TRDN: variants seen among roughly 807,000 people sequenced by gnomAD.
TRDN encodes triadin, also known as triadin in skeletal muscle.
TRDN carries 161 observed loss-of-function variants against 149.7 expected under a neutral mutation model. The observed-to-expected ratio is 1.08, with a 90% CI of 0.95 to 1.23. TRDN has a LOEUF of 1.23. Ranked by LOEUF, TRDN falls within the 50% of genes most tolerant of loss-of-function variation. TRDN has a pLI of 0.00. For missense variants in TRDN, 896 were observed against 823.5 expected (o/e 1.09, Z -1.08); for synonymous variants, 294 against 250.5 (o/e 1.17, Z -1.64).
intron 10 of TRDN, chr6:123,442,218 T>G (rs1048712707): frequency 6.6e-6 from 1 of 152,242 alleles, no homozygotes; most frequent in African/African-American, 2.4e-5. Context: ...TTGGGCAATG[T>G]GCTATGGCAC....
chr6:123,444,547 C>A (rs376993396), intron 10 of TRDN, among the ~76,000 whole-genome samples: 21,528 of 149,198 alleles, frequency 0.14, 2,153 homozygotes, highest in African/African-American at 0.29. Context: ...GCCAGAACTT[C>A]CAACACTATG....
At chr6:123,424,569 G>T (rs899698279) in intron 12 of TRDN, among the ~76,000 whole-genome samples, 1 of 152,006 alleles carries the variant, frequency 6.6e-6, no homozygotes, top group East Asian at 1.9e-4. Context: ...CTAAAATTCA[G>T]TTGCAATAGG....
intron 1 of TRDN, among the ~76,000 whole-genome samples, chr6:123,629,544 A>G (rs766471114): frequency 6.6e-6 from 1 of 152,130 alleles, no homozygotes; most frequent in Non-Finnish European, 1.5e-5. Context: ...TTGTTCTTAT[A>G]GGTCAAAATA....
chr6:123,491,808 T>C (rs899243854), intron 9 of TRDN, among the ~76,000 whole-genome samples: 1 of 152,180 alleles, frequency 6.6e-6, no homozygotes, highest in African/African-American at 2.4e-5. Flanking sequence ...AGAGTGAATA[T>C]GTTTTTATGG....
In TRDN at chr6:123,557,984, C is replaced by G. The variant is rs541453192; in HGVS notation, c.233-9372G>C. Among the ~76,000 whole-genome samples the G allele has an allele frequency of 8.5e-5, 13 of 152,222 alleles. No homozygotes were observed. In the East Asian group the frequency reaches 1.9e-3, roughly 23 times the overall value. ...TGCCTTATTTTCTTCTGTACTGCCA[C>G]TTGACCCCAATACAAACTGGACAGT... On this transcript the variant is annotated intron_variant, in intron 2 of 40. Transcript: ENST00000334268.
At chr6:123,475,735 G>A (rs1369948017) in intron 9 of TRDN, among the ~76,000 whole-genome samples, 48 of 131,656 alleles carry the variant, frequency 3.6e-4, no homozygotes, top group Admixed American at 3.1e-3. Flanking sequence ...TCATCCCTGG[G>A]ATGCAAGGCT....
At chr6:123,351,840 G>A (rs1444445592) in intron 21 of TRDN, 12 of 979,176 alleles carry the variant, frequency 1.2e-5, no homozygotes, top group East Asian at 2.3e-4. Flanking sequence ...ATGAGGGAAC[G>A]ACAATTAAAA....
intron 38 of TRDN, among the ~76,000 whole-genome samples, chr6:123,229,800 C>G (rs1015652764): frequency 6.6e-6 from 1 of 151,880 alleles, no homozygotes; most frequent in Non-Finnish European, 1.5e-5. Context: ...AAAGTCCAGC[C>G]TCAGCACCAA....
At chr6:123,479,490 T>C (rs1777647063) in intron 9 of TRDN, among the ~76,000 whole-genome samples, 1 of 152,208 alleles carries the variant, frequency 6.6e-6, no homozygotes, top group Non-Finnish European at 1.5e-5. Flanking sequence ...GTGTTATCTT[T>C]CAGCCTAATG....
chr6:123,587,768 G>A (rs1349756531), intron 1 of TRDN, among the ~76,000 whole-genome samples: 2 of 150,422 alleles, frequency 1.3e-5, no homozygotes, highest in East Asian at 4.0e-4. Flanking sequence ...GCAAAAGGGG[G>A]GGTTGTTCTC....
At chr6:123,352,326 G>C in intron 21 of TRDN, 2 of 984,788 alleles carry the variant, frequency 2.0e-6, no homozygotes, top group Non-Finnish European at 2.4e-6. Flanking sequence ...TTCCCTGTTC[G>C]GAACTGATAT....
At chr6:123,292,662 T>C (rs975906092) in intron 24 of TRDN, among the ~76,000 whole-genome samples, 1 of 152,174 alleles carries the variant, frequency 6.6e-6, no homozygotes, top group Admixed American at 6.6e-5. Flanking sequence ...TCAGGTGTCA[T>C]TGAGTACCCC....
chr6:123,264,813 A>T (rs1776884666), intron 33 of TRDN, among the ~76,000 whole-genome samples: 1 of 152,112 alleles, frequency 6.6e-6, no homozygotes, highest in African/African-American at 2.4e-5. Flanking sequence ...AAGTATTACA[A>T]CTTGCTGGTT....
intron 2 of TRDN, among the ~76,000 whole-genome samples, chr6:123,557,611 T>C (rs1781741135): frequency 6.6e-6 from 1 of 152,160 alleles, no homozygotes; most frequent in South Asian, 2.1e-4. Context: ...GAAAACAGTC[T>C]TCCCTTGGTG....
intron 6 of TRDN, 71 bp from the exon 7 acceptor site, chr6:123,512,433 G>C: frequency 1.2e-6 from 1 of 843,086 alleles, no homozygotes; most frequent in Non-Finnish European, 1.9e-6. Flanking sequence ...TTTGACCTCA[G>C]TTTCATAAGT....
At chr6:123,311,134 C>T (rs1778802661) in intron 24 of TRDN, among the ~76,000 whole-genome samples, 1 of 151,912 alleles carries the variant, frequency 6.6e-6, no homozygotes, top group Admixed American at 6.6e-5. Flanking sequence ...TCATAGTTCG[C>T]ATGGCTGGGG....
intron 22 of TRDN, among the ~76,000 whole-genome samples, chr6:123,336,805 A>T (rs1779888227): frequency 6.6e-6 from 1 of 151,002 alleles, no homozygotes. Flanking sequence ...AATTTATTAT[A>T]TATACATATA....
chr6:123,379,714 C>G (rs1416005749), intron 16 of TRDN, among the ~76,000 whole-genome samples: 1 of 152,014 alleles, frequency 6.6e-6, no homozygotes, highest in African/African-American at 2.4e-5. Context: ...ATTGAATTAC[C>G]TTAGTAAATA....
At chr6:123,436,068 T>C (rs1284396594) in intron 12 of TRDN, among the ~76,000 whole-genome samples, 4 of 152,124 alleles carry the variant, frequency 2.6e-5, no homozygotes, top group Non-Finnish European at 5.9e-5. Context: ...GTTTTCAGAT[T>C]TTGCATTTGC....
Sources: allele counts gnomAD v4.1 joint callset (sites outside exome capture counted in the v4.1 genomes callset), GRCh38; gene constraint gnomAD v4.1.1; transcripts MANE v1.5; gene names NCBI Gene and HGNC (gene_info 2026-07-23, HGNC 2026-07-21).